Variants in SLC35E4 observed in about 807,000 individuals in gnomAD.
The protein encoded by SLC35E4 is solute carrier family 35, member E4.
In SLC35E4, 15 loss-of-function variants were observed where a neutral mutation model predicts 19.3. The observed-to-expected ratio is 0.78, with a 90% CI of 0.52 to 1.20. The LOEUF is 1.20. SLC35E4 is among the 50% of genes most tolerant of loss of function. The pLI, the probability that SLC35E4 is intolerant of heterozygous loss-of-function variation, is 0.00. For missense variants in SLC35E4, 406 were observed against 472.3 expected, an observed-to-expected ratio of 0.86 and a Z score of 1.30; for synonymous variants, 219 against 219.9, an observed-to-expected ratio of 1.00 and a Z score of 0.04.
intron 1 of SLC35E4, among the ~76,000 whole-genome samples, chr22:30,637,784 A>T (rs540133617): frequency 2.0e-5 from 3 of 152,336 alleles, no homozygotes; most frequent in Middle Eastern, 3.4e-3. Context: ...TGAGCAGCAG[A>T]GGCAAGATCT....
intron 2 of SLC35E4, chr22:30,654,490 G>A: frequency 4.6e-6 from 2 of 433,240 alleles, no homozygotes; most frequent in South Asian, 1.7e-5. Flanking sequence ...GTGGTGGGAT[G>A]CCGTTAAACA....
chr22:30,638,797 A>T (rs1415918911), intron 1 of SLC35E4, among the ~76,000 whole-genome samples: 1 of 151,986 alleles, frequency 6.6e-6, no homozygotes, highest in Non-Finnish European at 1.5e-5. Context: ...GGGTAACAAG[A>T]GTGAAACTCT....
chr22:30,663,427 G>T (rs371630116), downstream of SLC35E4: 1 of 1,598,958 alleles, frequency 6.3e-7, no homozygotes, highest in Non-Finnish European at 8.6e-7. Context: ...GCAGGGGCTC[G>T]TGGGATGGCT....
At chr22:30,642,515 C>T (rs1475322967) in intron 1 of SLC35E4, among the ~76,000 whole-genome samples, 1 of 150,758 alleles carries the variant, frequency 6.6e-6, no homozygotes, top group African/African-American at 2.4e-5. Context: ...AGGCAGGCAG[C>T]TCACTTGAGG....
chr22:30,642,946 C>T (rs563836693), intron 1 of SLC35E4, among the ~76,000 whole-genome samples: 2 of 150,926 alleles, frequency 1.3e-5, no homozygotes, highest in South Asian at 4.2e-4. Context: ...AGGAGAATGG[C>T]GTGAACCCGG....
At chr22:30,654,476 T>C (rs1377352492) in intron 2 of SLC35E4, 22 of 431,918 alleles carry the variant, frequency 5.1e-5, no homozygotes, top group Non-Finnish European at 9.7e-5. Flanking sequence ...TTTTTCGTCA[T>C]AGGGTGGTGG....
chr22:30,651,112 AAAT>A (rs2088201210), downstream of SLC35E4, among the ~76,000 whole-genome samples: 2 of 151,782 alleles, frequency 1.3e-5, no homozygotes, highest in South Asian at 4.2e-4. Flanking sequence ...CCACTGCACT[AAAT>A]AACTTCCTGG....
At chr22:30,642,759 G>T (rs558549530) in intron 1 of SLC35E4, among the ~76,000 whole-genome samples, 23 of 150,036 alleles carry the variant, frequency 1.5e-4, no homozygotes, top group Middle Eastern at 3.5e-3. Context: ...GCCAGGCACG[G>T]TGGTTCACAC....
chr22:30,650,636 G>A (rs184323535), downstream of SLC35E4, among the ~76,000 whole-genome samples: 2 of 152,330 alleles, frequency 1.3e-5, no homozygotes, highest in East Asian at 3.9e-4. Flanking sequence ...GGGGGCAGCA[G>A]TGGAACCTAA....
intron 1 of SLC35E4, 100 bp downstream of exon 1, chr22:30,637,169 G>A: frequency 6.8e-7 from 1 of 1,466,234 alleles, no homozygotes; most frequent in Non-Finnish European, 9.0e-7. Flanking sequence ...TTTTACAAAT[G>A]AGGAAACTGA....
intron 2 of SLC35E4, chr22:30,654,334 C>T (rs571130640): frequency 1.9e-5 from 9 of 463,544 alleles, no homozygotes; most frequent in Middle Eastern, 6.7e-4. Context: ...CTTCTCCTTC[C>T]TCTTCTCCTC....
intron 1 of SLC35E4, among the ~76,000 whole-genome samples, chr22:30,642,583 C>CA (rs1003301735): frequency 8.6e-5 from 13 of 150,822 alleles, no homozygotes; most frequent in Non-Finnish European, 1.5e-4. Context: ...ACTAAAAATA[C>CA]AAAAAAAATT....
At chr22:30,645,838 T>TA (rs71200098) in intron 1 of SLC35E4, among the ~76,000 whole-genome samples, 1 of 146,246 alleles carries the variant, frequency 6.8e-6, no homozygotes, top group Non-Finnish European at 1.5e-5. Flanking sequence ...TTTTTTTTTT[T>TA]AAGACAGGGT....
intron 1 of SLC35E4, among the ~76,000 whole-genome samples, chr22:30,645,416 G>A (rs905407505): frequency 2.6e-5 from 4 of 152,086 alleles, no homozygotes; most frequent in African/African-American, 4.8e-5. Flanking sequence ...CCAACATGGC[G>A]AAACCCCGTC....
chr22:30,647,083 C>T lies in SLC35E4; in HGVS notation c.*52C>T. The T allele has an allele frequency of 4.6e-6, 7 of 1,526,720 alleles. No individual in the cohort carries two copies. The highest frequency in any genetic ancestry group is 6.1e-6 in the Non-Finnish European group (7 of 1,140,484). The allele number at this position is 1,526,720 out of a possible 1,614,324, so 94.6% of individuals were successfully genotyped here. On this transcript the variant is annotated 3_prime_UTR_variant, in exon 2 of 2. Coordinates refer to ENST00000343605, the MANE Select transcript of SLC35E4 (RefSeq NM_001001479.4). ...GGGATGGCCCTGGCCTGAATCCAGC[C>T]TCCGCTGTGGCCATAGAAGGAATGG...
exon 3 of SLC35E4, chr22:30,662,121 C>T (rs2088493104): frequency 6.6e-6 from 1 of 150,562 alleles, no homozygotes; most frequent in Non-Finnish European, 1.5e-5. Context: ...GGAGAAATGC[C>T]ATTATGGGGA....
chr22:30,641,716 T>A (rs928365137), intron 1 of SLC35E4, among the ~76,000 whole-genome samples: 7 of 114,178 alleles, frequency 6.1e-5, no homozygotes, highest in Non-Finnish European at 1.2e-4. Context: ...GGCTAATTTT[T>A]AATTTTTTTT....
rs561955113 is a variant in SLC35E4 at position 30,657,955 on chromosome 22, G to A, written c.*9-4105G>A. ...TAATAATAATAATAATAATAATAATGATTAGCTGGATATGGTGTTGAGTAC... is the reference window on the plus strand; with the variant it reads ...TAATAATAATAATAATAATAATAATAATTAGCTGGATATGGTGTTGAGTAC... On this transcript the variant is annotated intron_variant, in intron 2 of 2. Transcript: ENST00000406566. 2.3e-3 allele frequency among the ~76,000 whole-genome samples: 323 copies of A among 142,234 alleles called. 1 individual carries two copies. The Middle Eastern group carries it at 0.026, about 12-fold the overall frequency. 93.3% of individuals were successfully genotyped at this position (142,234 alleles called of 152,430 possible). A position where few individuals can be genotyped will look rare whatever the true frequency, so the allele number is the denominator to read the frequency against.
downstream of SLC35E4, among the ~76,000 whole-genome samples, chr22:30,664,387 G>A: frequency 6.6e-6 from 1 of 152,172 alleles, no homozygotes; most frequent in East Asian, 1.9e-4. Flanking sequence ...TCCCTTGAGG[G>A]GTCCCACAGC....
Sources: allele counts gnomAD v4.1 joint callset (sites outside exome capture counted in the v4.1 genomes callset), GRCh38; gene constraint gnomAD v4.1.1; transcripts MANE v1.5; gene names NCBI Gene and HGNC (gene_info 2026-07-23, HGNC 2026-07-21).